NCAM2: variants seen among roughly 807,000 people sequenced by gnomAD.
NCAM2 encodes N-CAM-2.
A neutral mutation model predicts 98.1 loss-of-function variants in NCAM2; 30 were observed. The ratio of observed to expected loss-of-function variants is 0.31; its 90% CI spans 0.23 to 0.41. The LOEUF is 0.41. NCAM2 is among the 10% of genes least tolerant of loss of function. The probability of loss-of-function intolerance (pLI) is 1.00; values close to 1 mark genes in which losing one functional copy is unlikely to be tolerated. For synonymous variants in NCAM2, 368 were observed against 342.4 expected, an observed-to-expected ratio of 1.07 and a Z score of -0.83; for missense variants, 867 against 1,005.8, an observed-to-expected ratio of 0.86 and a Z score of 1.87.
In NCAM2 at chr21:21,293,444, C is replaced by T. The variant is rs117499968; in HGVS notation, c.619+1203C>T. Among the ~76,000 whole-genome samples, 753 of 151,738 alleles carry T rather than the reference C, an allele frequency of 5.0e-3. 5 individuals are homozygous for T. Among genetic ancestry groups the T allele is most frequent in the South Asian group, 1.0e-2 (48 of 4,810 alleles). Reference sequence around the variant, plus strand: ...AAACGACTTTTCATGGCATAGAAAACCCATTATGATCCACCCCTTCCCTAA... The same window carrying T: ...AAACGACTTTTCATGGCATAGAAAATCCATTATGATCCACCCCTTCCCTAA... On this transcript the variant is annotated intron_variant, in intron 5 of 17. Transcript: ENST00000400546.
At chr21:21,098,617 A>G (rs1351610995) in intron 1 of NCAM2, among the ~76,000 whole-genome samples, 1 of 151,772 alleles carries the variant, frequency 6.6e-6, no homozygotes, top group Non-Finnish European at 1.5e-5. Flanking sequence ...TAGACAAGTA[A>G]ACTGAGGCTC....
At chr21:21,304,434 G>T (rs1284691926) in intron 5 of NCAM2, among the ~76,000 whole-genome samples, 1 of 151,730 alleles carries the variant, frequency 6.6e-6, no homozygotes, top group Non-Finnish European at 1.5e-5. Flanking sequence ...TTTAATATAT[G>T]TGTTTTAGGG....
At chr21:21,196,354 C>T (rs2069004505) in intron 1 of NCAM2, among the ~76,000 whole-genome samples, 1 of 152,210 alleles carries the variant, frequency 6.6e-6, no homozygotes, top group African/African-American at 2.4e-5. Flanking sequence ...CTCTGGTGAG[C>T]CATTTCGGTT....
At chr21:21,147,396 T>C in intron 1 of NCAM2, 6 of 519,366 alleles carry the variant, frequency 1.2e-5, no homozygotes, top group Non-Finnish European at 1.5e-5. Flanking sequence ...CTCAGTCACT[T>C]CACTCTGATT....
rs543195912 is a variant in NCAM2, at chr21:21,086,990, T to C, written c.55+88372T>C. Among the ~76,000 whole-genome samples the C allele has an allele frequency of 4.9e-4, 75 of 152,132 alleles. 1 individual carries two copies. The highest frequency in any genetic ancestry group is 1.7e-3 in the African/African-American group (71 of 41,500). On this transcript the variant is annotated intron_variant, in intron 1 of 17. Transcript: ENST00000400546. ...CCTTTTGATAGGGATATTGATCGTT[T>C]TGTAGACATATCTAACATTGTAACC... is the stretch of plus-strand genomic sequence containing the variant.
intron 1 of NCAM2, among the ~76,000 whole-genome samples, chr21:21,044,817 T>G (rs540705301): frequency 6.6e-6 from 1 of 151,790 alleles, no homozygotes; most frequent in South Asian, 2.1e-4. Context: ...ATAAAAAAAT[T>G]TGTTGGGCAT....
At chr21:21,436,684 T>C (rs1469908464) in intron 12 of NCAM2, among the ~76,000 whole-genome samples, 1 of 152,078 alleles carries the variant, frequency 6.6e-6, no homozygotes, top group Non-Finnish European at 1.5e-5. Flanking sequence ...AGGATTATTT[T>C]ATAGCACCTC....
chr21:21,255,930 C>A (rs561298201), intron 1 of NCAM2, among the ~76,000 whole-genome samples: 28 of 152,166 alleles, frequency 1.8e-4, no homozygotes, highest in Non-Finnish European at 3.2e-4. Flanking sequence ...TTATGACCAA[C>A]AACATAGAGA....
chr21:21,265,171 A>T (rs1369658254), intron 1 of NCAM2, among the ~76,000 whole-genome samples: 4 of 124,616 alleles, frequency 3.2e-5, no homozygotes, highest in Admixed American at 9.1e-5. Context: ...TATATATATT[A>T]TATATGTATA....
chr21:21,440,431 C>T (rs1742716144), intron 12 of NCAM2, among the ~76,000 whole-genome samples: 2 of 152,102 alleles, frequency 1.3e-5, no homozygotes, highest in Admixed American at 1.3e-4. Context: ...CCTGTAAACC[C>T]AGCTCTTAGG....
chr21:21,361,718 G>C (rs1170084164), intron 8 of NCAM2, among the ~76,000 whole-genome samples: 1 of 151,830 alleles, frequency 6.6e-6, no homozygotes, highest in Non-Finnish European at 1.5e-5. Flanking sequence ...AGCTTCACTT[G>C]GATATTAAAT....
chr21:21,032,887 G>A (rs9305992), intron 1 of NCAM2, among the ~76,000 whole-genome samples: 151,004 of 152,138 alleles, frequency 0.99, 74,947 homozygotes, highest in Middle Eastern at 1. Flanking sequence ...AAAATACTCT[G>A]TTTTGTTTCT....
At chr21:21,011,928 G>T (rs974730415) in intron 1 of NCAM2, among the ~76,000 whole-genome samples, 2 of 152,014 alleles carry the variant, frequency 1.3e-5, no homozygotes, top group African/African-American at 4.8e-5. Context: ...AAAACCATAA[G>T]GAGATATCAC....
chr21:21,443,490 A>G (rs1979628067), intron 12 of NCAM2, among the ~76,000 whole-genome samples: 1 of 151,694 alleles, frequency 6.6e-6, no homozygotes, highest in South Asian at 2.1e-4. Context: ...GGAAAAATAT[A>G]TTACTGTGTA....
chr21:21,190,290 A>T (rs2068778984), intron 1 of NCAM2, among the ~76,000 whole-genome samples: 1 of 152,212 alleles, frequency 6.6e-6, no homozygotes, highest in Non-Finnish European at 1.5e-5. Flanking sequence ...CTCTGAACAA[A>T]TGAGTTAGTT....
intron 1 of NCAM2, among the ~76,000 whole-genome samples, chr21:21,221,904 G>A (rs912275478): frequency 9.2e-5 from 14 of 152,048 alleles, no homozygotes; most frequent in South Asian, 2.1e-4. Context: ...AGTAAATGCC[G>A]GGCTTCAAAC....
intron 1 of NCAM2, among the ~76,000 whole-genome samples, chr21:21,003,454 A>C (rs1229667622): frequency 6.6e-6 from 1 of 152,146 alleles, no homozygotes; most frequent in Non-Finnish European, 1.5e-5. Flanking sequence ...TGAAGAAGCA[A>C]CTTATGCTCT....
chr21:21,233,644 T>A (rs1457040295), intron 1 of NCAM2, among the ~76,000 whole-genome samples: 1 of 151,710 alleles, frequency 6.6e-6, no homozygotes, highest in East Asian at 1.9e-4. Flanking sequence ...TGTTTTAAGG[T>A]ATATTGTGAG....
At chr21:21,531,984 C>T (rs1989728738) in intron 16 of NCAM2, among the ~76,000 whole-genome samples, 1 of 138,498 alleles carries the variant, frequency 7.2e-6, no homozygotes, top group Non-Finnish European at 1.6e-5. Context: ...CAGAGCAAGA[C>T]TCCGTCTCAA....
Sources: gnomAD v4.1 joint callset for allele counts (sites outside exome capture counted in the v4.1 genomes callset) on GRCh38, gnomAD v4.1.1 for gene constraint, MANE v1.5 for transcripts, NCBI Gene and HGNC (gene_info 2026-07-23, HGNC 2026-07-21) for gene names.